Variants in PLPP3 observed in about 807,000 individuals in gnomAD.
The protein encoded by PLPP3 is phospholipid phosphatase 3.
PLPP3 carries 6 observed loss-of-function variants against 29.6 expected under a neutral mutation model. That is an observed-to-expected ratio of 0.20 (90% CI 0.11 to 0.40). PLPP3 has a LOEUF of 0.40. PLPP3 is among the 10% of genes least tolerant of loss of function. PLPP3 has a pLI of 1.00. For missense variants in PLPP3, 308 were observed against 407.7 expected (o/e 0.76, Z 2.11); for synonymous variants, 152 against 159.7 (o/e 0.95, Z 0.36).
chr1:56,540,925 T>G (rs1339002709), intron 1 of PLPP3, among the ~76,000 whole-genome samples: 1 of 152,160 alleles, frequency 6.6e-6, no homozygotes, highest in Non-Finnish European at 1.5e-5. Context: ...ATCACCATCT[T>G]TATTACCAAT....
chr1:56,536,916 G>T (rs760439756), intron 2 of PLPP3, 39 bp downstream of exon 2: 1 of 1,607,402 alleles, frequency 6.2e-7, no homozygotes, highest in Admixed American at 1.7e-5. Context: ...ACAGGAAGAA[G>T]TCAGACAGGA....
intron 5 of PLPP3, among the ~76,000 whole-genome samples, chr1:56,497,383 C>T (rs1019205948): frequency 6.6e-6 from 1 of 152,192 alleles, no homozygotes; most frequent in East Asian, 1.9e-4. Flanking sequence ...ATGGCACAGG[C>T]ATAGTTCCTG....
intron 2 of PLPP3, among the ~76,000 whole-genome samples, chr1:56,534,908 A>G (rs1645914636): frequency 6.6e-6 from 1 of 152,144 alleles, no homozygotes; most frequent in African/African-American, 2.4e-5. Flanking sequence ...AGTGAGAATC[A>G]AGAGACCTGG....
rs561171427 is a variant in PLPP3 at position 56,559,636 on chromosome 1, T to C, written c.139+19242A>G. On this transcript the variant is annotated intron_variant, in intron 1 of 5. Coordinates refer to ENST00000371250, the MANE Select transcript of PLPP3 (RefSeq NM_003713.5). ...TAAGGTACAAATGACTGTAGATTAC[T>C]GACACATGGGGCTAATATCTGTTTT... Among the ~76,000 whole-genome samples the C allele has an allele frequency of 2.6e-5, 4 of 152,134 alleles. No homozygotes were observed. In the South Asian group the frequency reaches 6.2e-4, roughly 24 times the overall value.
At position 56,578,954 on chromosome 1, in the gene PLPP3, C is replaced by T. The variant is rs1372249439; in HGVS notation, c.63G>A (p.Ala21=). ...VPESKNGGSP[A]LNNNPRRSGS... is the part of the protein sequence containing the mutation. ...CGCTCCTCCTCGGGTTGTTGTTGAG[C>T]GCCGGGCTGCCGCCGTTCTTGCTCT... is the stretch of plus-strand genomic sequence containing the variant. The change falls in exon 1 of 6, where the codon GCG becomes GCA. Residue 21 remains alanine, a synonymous_variant. Transcript: ENST00000371250. The T allele has an allele frequency of 2.5e-6, 4 of 1,603,166 alleles. No homozygotes were observed. The highest frequency in any genetic ancestry group is 3.4e-6 in the Non-Finnish European group (4 of 1,175,848).
intron 2 of PLPP3, among the ~76,000 whole-genome samples, chr1:56,527,332 G>C (rs1645858934): frequency 6.6e-6 from 1 of 152,116 alleles, no homozygotes; most frequent in Non-Finnish European, 1.5e-5. Context: ...TAGTTTCATT[G>C]AATCTTCTCT....
At chr1:56,529,804 T>C (rs1004090566) in intron 2 of PLPP3, among the ~76,000 whole-genome samples, 5 of 152,142 alleles carry the variant, frequency 3.3e-5, no homozygotes, top group African/African-American at 4.8e-5. Context: ...AATGAAGACA[T>C]AGATCTGTCC....
At position 56,524,697 on chromosome 1, in the gene PLPP3, A is replaced by G; in HGVS notation, c.298-143T>C. ...TTTTCTATTTATGAAATATACAGAC[A>G]CAAATATGCACAGAAGAAAAGATCA... On this transcript the variant is annotated intron_variant, in intron 2 of 5. Transcript: ENST00000371250. This position sits in a 1 kb window ranked among gnomAD's most constrained non-coding sequence, Gnocchi z 4.3. 1 of 1,004,924 alleles carries G rather than the reference A, an allele frequency of 1.0e-6. No individual in the cohort carries two copies. Among genetic ancestry groups the G allele is most frequent in the Non-Finnish European group, 1.4e-6 (1 of 694,724 alleles). The allele number at this position is 1,004,924 out of a possible 1,614,324, so 62.3% of individuals were successfully genotyped here.
intron 2 of PLPP3, among the ~76,000 whole-genome samples, chr1:56,531,556 A>C (rs888022208): frequency 1.3e-5 from 2 of 152,228 alleles, no homozygotes; most frequent in Admixed American, 6.5e-5. Context: ...TCATCTGCCC[A>C]GTGGTCTAGA....
chr1:56,522,530 T>A (rs1470221894), intron 4 of PLPP3, among the ~76,000 whole-genome samples: 1 of 152,056 alleles, frequency 6.6e-6, no homozygotes, highest in African/African-American at 2.4e-5. Context: ...AGATGAAGAA[T>A]GGAGGGAAGT....
At position 56,494,866 on chromosome 1, in the gene PLPP3, C is replaced by T. The variant is rs1425436056; in HGVS notation, c.*1685G>A. 1 of 152,602 alleles carries T rather than the reference C, an allele frequency of 6.6e-6. No homozygotes were observed. Among genetic ancestry groups the T allele is most frequent in the Non-Finnish European group, 1.5e-5 (1 of 68,018 alleles). The allele number at this position is 152,602 out of a possible 1,614,324, so 9.5% of individuals were successfully genotyped here. ...GCTACAAAAGTCTTTGAATATTATT[C>T]TCTTTACAAAATGGAACCTTACAAA... is the stretch of plus-strand genomic sequence containing the variant. On this transcript the variant is annotated 3_prime_UTR_variant, in exon 6 of 6. Coordinates refer to ENST00000371250, the MANE Select transcript of PLPP3 (RefSeq NM_003713.5).
rs377235856 is a variant in PLPP3 at position 56,519,155 on chromosome 1, C to T, written c.633+4668G>A. 2.2e-4 allele frequency among the ~76,000 whole-genome samples: 33 copies of T among 152,222 alleles called. 1 individual carries two copies. The highest frequency in any genetic ancestry group is 7.9e-4 in the African/African-American group (33 of 41,546). The stretch of plus-strand genomic sequence containing the variant: ...GGTATTTTCCACTCTCAAGCGTGCC[C>T]TCCATTCCCTGGTTCCTAGCAGCCA... On this transcript the variant is annotated intron_variant, in intron 4 of 5. Coordinates refer to ENST00000371250, the MANE Select transcript of PLPP3 (RefSeq NM_003713.5).
intron 2 of PLPP3, among the ~76,000 whole-genome samples, chr1:56,525,261 T>A (rs1031018375): frequency 6.6e-6 from 1 of 152,072 alleles, no homozygotes; most frequent in Non-Finnish European, 1.5e-5. Context: ...AGAAGCAGAG[T>A]GTGATGAATA....
intron 1 of PLPP3, among the ~76,000 whole-genome samples, chr1:56,541,872 G>C (rs1047561600): frequency 1.3e-5 from 2 of 151,540 alleles, no homozygotes; most frequent in Non-Finnish European, 2.9e-5. Context: ...ACATGTGCTA[G>C]GTAACTAATT....
At chr1:56,519,060 A>C (rs1183884695) in intron 4 of PLPP3, among the ~76,000 whole-genome samples, 1 of 152,000 alleles carries the variant, frequency 6.6e-6, no homozygotes, top group East Asian at 1.9e-4. Flanking sequence ...AACAGCAGCT[A>C]AGGAAAGGCC....
intron 1 of PLPP3, among the ~76,000 whole-genome samples, chr1:56,537,334 C>A (rs1490126274): frequency 1.3e-5 from 2 of 152,090 alleles, no homozygotes; most frequent in African/African-American, 4.8e-5. Context: ...AGGCATTATC[C>A]TCTTCTCTTC....
intron 1 of PLPP3, among the ~76,000 whole-genome samples, chr1:56,556,926 AAGAG>A (rs777875866): frequency 2.9e-4 from 36 of 124,490 alleles, no homozygotes; most frequent in South Asian, 1.3e-3. Context: ...GGGAGAAAGA[AAGAG>A]AGAGAGAGAG....
intron 1 of PLPP3, among the ~76,000 whole-genome samples, chr1:56,576,367 T>G (rs1165859559): frequency 6.6e-6 from 1 of 152,224 alleles, no homozygotes; most frequent in African/African-American, 2.4e-5. Context: ...GAAACAATTT[T>G]TTTTAGGACT....
chr1:56,535,212 T>C (rs1276889056), intron 2 of PLPP3, among the ~76,000 whole-genome samples: 1 of 152,168 alleles, frequency 6.6e-6, no homozygotes, highest in Non-Finnish European at 1.5e-5. Context: ...ATTTGCCACA[T>C]GGTCCACAGC....
Sources: allele counts gnomAD v4.1 joint callset (sites outside exome capture counted in the v4.1 genomes callset), GRCh38; gene constraint gnomAD v4.1.1; non-coding constraint Gnocchi (gnomAD v3.1); transcripts MANE v1.5; gene names NCBI Gene and HGNC (gene_info 2026-07-23, HGNC 2026-07-21).